BMAL1: variants seen among roughly 807,000 people sequenced by gnomAD.
BMAL1 encodes basic helix-loop-helix ARNT-like protein 1.
the BMAL1 span, among the ~76,000 whole-genome samples, chr11:13,341,682 G>GT: frequency 6.6e-6 from 1 of 152,248 alleles, no homozygotes; most frequent in African/African-American, 2.4e-5. Flanking sequence ...CAGGCAGTAA[G>GT]TTTTTTGGTG....
the BMAL1 span, among the ~76,000 whole-genome samples, chr11:13,309,429 C>A: frequency 5.9e-5 from 9 of 152,114 alleles, no homozygotes; most frequent in Non-Finnish European, 1.3e-4. Flanking sequence ...GAGTGTCATT[C>A]CAAAGGTGTG....
the BMAL1 span, among the ~76,000 whole-genome samples, chr11:13,360,956 A>G: frequency 2.0e-5 from 3 of 152,170 alleles, no homozygotes; most frequent in Non-Finnish European, 4.4e-5. Flanking sequence ...TCTCTATTAA[A>G]TATATAAAAA....
chr11:13,280,571 T>C, the BMAL1 span, among the ~76,000 whole-genome samples: 2 of 152,220 alleles, frequency 1.3e-5, no homozygotes, highest in East Asian at 3.8e-4. Flanking sequence ...TGCAGTGATT[T>C]TAGGAAGCAT....
the BMAL1 span, among the ~76,000 whole-genome samples, chr11:13,284,269 T>A: frequency 0.017 from 533 of 30,850 alleles, 51 homozygotes; most frequent in Middle Eastern, 0.043. Flanking sequence ...TATATATATT[T>A]TTTTTTTTAA....
At chr11:13,356,708 C>T in the BMAL1 span, 5 of 1,613,314 alleles carry the variant, frequency 3.1e-6, no homozygotes, top group African/African-American at 5.3e-5. Flanking sequence ...TCTTTATTAA[C>T]ATGCAGTCAC....
the BMAL1 span, among the ~76,000 whole-genome samples, chr11:13,290,559 ATATTATTATTAT>A: frequency 1.1e-4 from 17 of 149,064 alleles, no homozygotes; most frequent in South Asian, 4.3e-4. Context: ...ACAAGTGTAT[ATATTATTATTAT>A]TATTATTATT....
At chr11:13,313,196 C>G in the BMAL1 span, among the ~76,000 whole-genome samples, 1 of 152,234 alleles carries the variant, frequency 6.6e-6, no homozygotes, top group South Asian at 2.1e-4. Context: ...CTGAGCGTGC[C>G]TCTCCTGGGT....
the BMAL1 span, among the ~76,000 whole-genome samples, chr11:13,348,867 A>C: frequency 2.0e-5 from 3 of 152,220 alleles, no homozygotes; most frequent in Admixed American, 2.0e-4. Flanking sequence ...ATAGCGATCG[A>C]GGCAAAGATA....
chr11:13,384,137 G>A, the BMAL1 span, among the ~76,000 whole-genome samples: 1 of 152,062 alleles, frequency 6.6e-6, no homozygotes, highest in East Asian at 1.9e-4. Flanking sequence ...TGAATGAAGT[G>A]AACCTGTCAC....
At chr11:13,354,316 AC>A in the BMAL1 span, 2 of 1,607,606 alleles carry the variant, frequency 1.2e-6, no homozygotes, top group Non-Finnish European at 1.7e-6. Flanking sequence ...CCAATGGCAG[AC>A]CAGAGAATGG....
At chr11:13,385,525 T>C in the BMAL1 span, among the ~76,000 whole-genome samples, 7 of 152,202 alleles carry the variant, frequency 4.6e-5, no homozygotes, top group African/African-American at 1.7e-4. Context: ...AGAGGTTTTT[T>C]CTTACTCTGA....
At chr11:13,370,450 G>A in the BMAL1 span, among the ~76,000 whole-genome samples, 4 of 152,126 alleles carry the variant, frequency 2.6e-5, no homozygotes, top group African/African-American at 7.2e-5. Context: ...AACAGGATAC[G>A]TGCCGAAGTA....
the BMAL1 span, among the ~76,000 whole-genome samples, chr11:13,361,600 A>G: frequency 1.3e-5 from 2 of 152,070 alleles, no homozygotes; most frequent in Non-Finnish European, 2.9e-5. Context: ...AGCATTCTCT[A>G]TTTATCTCCT....
the BMAL1 span, among the ~76,000 whole-genome samples, chr11:13,287,446 A>G: frequency 6.6e-6 from 1 of 152,236 alleles, no homozygotes; most frequent in South Asian, 2.1e-4. Flanking sequence ...TGGATGCTGG[A>G]ATACCAGTGG....
the BMAL1 span, chr11:13,360,275 A>C: frequency 7.1e-7 from 1 of 1,400,196 alleles, no homozygotes; most frequent in Non-Finnish European, 1.0e-6. Context: ...AGAAGGTTTG[A>C]GGCAGCAAGT....
the BMAL1 span, among the ~76,000 whole-genome samples, chr11:13,324,380 T>A: frequency 2.8e-5 from 1 of 35,214 alleles, no homozygotes; most frequent in Non-Finnish European, 9.9e-5. Context: ...CTGCCGCATC[T>A]TTTCTTACTG....
At chr11:13,359,544 AG>A in the BMAL1 span, among the ~76,000 whole-genome samples, 1 of 152,346 alleles carries the variant, frequency 6.6e-6, no homozygotes, top group East Asian at 1.9e-4. Context: ...GCAAATCTCA[AG>A]TTACAGTAAA....
At chr11:13,356,930 C>T in the BMAL1 span, 3 of 1,584,942 alleles carry the variant, frequency 1.9e-6, no homozygotes, top group African/African-American at 1.4e-5. Context: ...GTCCCTCCAA[C>T]CCCCAGTCCC....
the BMAL1 span, among the ~76,000 whole-genome samples, chr11:13,278,098 C>T: frequency 6.6e-6 from 1 of 152,122 alleles, no homozygotes; most frequent in Non-Finnish European, 1.5e-5. Context: ...CGCTCCCTGC[C>T]CCCACCCGGG....
Sources: gnomAD v4.1 joint callset for allele counts (sites outside exome capture counted in the v4.1 genomes callset) on GRCh38, gnomAD v4.1.1 for gene constraint, MANE v1.5 for transcripts, NCBI Gene and HGNC (gene_info 2026-07-23, HGNC 2026-07-21) for gene names.